The following ATP5F1C variants were observed in gnomAD, a reference collection of about 807,000 sequenced individuals.
The protein encoded by ATP5F1C is ATP synthase F(1) complex subunit gamma, mitochondrial.
In ATP5F1C, 22 loss-of-function variants were observed where a neutral mutation model predicts 37.4. The observed-to-expected ratio is 0.59, with a 90% CI of 0.42 to 0.84. The LOEUF is 0.84. ATP5F1C is among the 40% of genes least tolerant of loss of function. The probability of loss-of-function intolerance (pLI) is 0.00; values close to 1 mark genes in which losing one functional copy is unlikely to be tolerated. For missense variants in ATP5F1C, 286 were observed against 362.4 expected, an observed-to-expected ratio of 0.79 and a Z score of 1.71; for synonymous variants, 121 against 128.0, an observed-to-expected ratio of 0.95 and a Z score of 0.37.
intron 1 of ATP5F1C, among the ~76,000 whole-genome samples, chr10:7,791,117 T>C (rs1050365962): frequency 6.6e-6 from 1 of 152,058 alleles, no homozygotes; most frequent in Non-Finnish European, 1.5e-5. Context: ...CTGGCCAACA[T>C]GGTGAAACCC....
intron 2 of ATP5F1C, chr10:7,796,823 A>C (rs1248116769): frequency 8.7e-6 from 3 of 345,452 alleles, no homozygotes; most frequent in Non-Finnish European, 1.6e-5. Flanking sequence ...TGACCTCGTG[A>C]TCCGCCCACC....
At chr10:7,789,787 C>T (rs533905252) in intron 1 of ATP5F1C, among the ~76,000 whole-genome samples, 3 of 152,246 alleles carry the variant, frequency 2.0e-5, no homozygotes, top group East Asian at 1.9e-4. Context: ...GTTTCTGAAA[C>T]AAAGACAATA....
At chr10:7,802,683 G>A in intron 7 of ATP5F1C, 75 bp from the exon 8 acceptor site, 1 of 1,457,106 alleles carries the variant, frequency 6.9e-7, no homozygotes, top group Non-Finnish European at 9.3e-7. Flanking sequence ...TTTAAATTAA[G>A]CAACAGAAGT....
At chr10:7,807,427 G>A (rs534438623) in intron 9 of ATP5F1C, among the ~76,000 whole-genome samples, 11 of 152,090 alleles carry the variant, frequency 7.2e-5, no homozygotes, top group Non-Finnish European at 1.6e-4. Flanking sequence ...CTGTATACTC[G>A]AGAATGAGAA....
At chr10:7,807,065 TAA>T in intron 9 of ATP5F1C, 55 bp downstream of exon 9, 1 of 1,491,942 alleles carries the variant, frequency 6.7e-7, no homozygotes, top group Non-Finnish European at 9.2e-7. Context: ...TATTCAGATA[TAA>T]GTTAAGCTAA....
intron 1 of ATP5F1C, among the ~76,000 whole-genome samples, chr10:7,789,318 A>G (rs1369334832): frequency 1.3e-5 from 2 of 152,230 alleles, no homozygotes; most frequent in African/African-American, 4.8e-5. Context: ...ACCATAAAGC[A>G]TTAGTTGAAA....
At chr10:7,798,719 C>T (rs941871596) in intron 3 of ATP5F1C, among the ~76,000 whole-genome samples, 10 of 151,850 alleles carry the variant, frequency 6.6e-5, no homozygotes, top group Admixed American at 2.6e-4. Flanking sequence ...TTAATAGAGA[C>T]GGGATTTCAC....
At chr10:7,799,374 A>G (rs1185965718) in intron 4 of ATP5F1C, 180 bp downstream of exon 4, 2 of 609,330 alleles carry the variant, frequency 3.3e-6, no homozygotes, top group Non-Finnish European at 5.6e-6. Flanking sequence ...GATATATTGG[A>G]ACATTTCTGT....
chr10:7,791,570 C>T (rs1362694544), intron 1 of ATP5F1C, among the ~76,000 whole-genome samples: 2 of 152,210 alleles, frequency 1.3e-5, no homozygotes, highest in African/African-American at 2.4e-5. Context: ...GCTGTTATAA[C>T]AGCGCTGTGG....
chr10:7,807,062 A>G, intron 9 of ATP5F1C, 52 bp downstream of exon 9: 1 of 1,514,828 alleles, frequency 6.6e-7, no homozygotes, highest in Admixed American at 1.8e-5. Context: ...ACCTATTCAG[A>G]TATAAGTTAA....
intron 1 of ATP5F1C, among the ~76,000 whole-genome samples, chr10:7,793,158 G>A (rs1269991637): frequency 6.6e-6 from 1 of 152,140 alleles, no homozygotes; most frequent in Non-Finnish European, 1.5e-5. Context: ...TGTCATCCAG[G>A]TGGAATGCAA....
Position 7,797,173 on chromosome 10 carries a change from C to G in ATP5F1C, c.218C>G (p.Ser73Cys). ...CCAGCTCGAATATATGGATTGGGAT[C>G]TTTAGGTAAGGGAAGAGTGTAATTC... is the stretch of plus-strand genomic sequence containing the variant. Reference protein sequence around the residue: ...LKPARIYGLGSLALYEKADIK... With the variant: ...LKPARIYGLGCLALYEKADIK... The change falls in exon 3 of 10, where the codon TCT becomes TGT. Residue 73 changes from serine (S) to cysteine (C), a missense_variant. Coordinates refer to ENST00000356708, the MANE Select transcript of ATP5F1C (RefSeq NM_001001973.3). 6.2e-7 allele frequency: 1 copy of G among 1,613,612 alleles called. No individual in the cohort carries two copies.
intron 4 of ATP5F1C, chr10:7,799,564 A>G (rs963269848): frequency 3.3e-6 from 2 of 604,210 alleles, no homozygotes; most frequent in Admixed American, 3.1e-5. Context: ...AAAAGAATAT[A>G]AAACAGACCT....
rs1836235789 is a variant in ATP5F1C, at chr10:7,796,319, C to G, written c.91+164C>G. The G allele has an allele frequency of 7.2e-6, 4 of 555,944 alleles. No individual in the cohort carries two copies. In the East Asian group the frequency reaches 1.4e-4, roughly 19 times the overall value. The allele number at this position is 555,944 out of a possible 1,614,324, so 34.4% of individuals were successfully genotyped here. ...GGACATTGGACTTGTTCTGAAAAGA[C>G]CAGTAAGAAAGGACACCTGAGACAG... On this transcript the variant is annotated intron_variant, in intron 2 of 9. Transcript: ENST00000356708.
intron 8 of ATP5F1C, among the ~76,000 whole-genome samples, chr10:7,805,543 T>C (rs780796452): frequency 1.7e-4 from 26 of 151,888 alleles, no homozygotes; most frequent in Non-Finnish European, 3.2e-4. Flanking sequence ...GTCAGGAGAT[T>C]GAGACCATCC....
chr10:7,790,169 G>A (rs915082891), intron 1 of ATP5F1C, among the ~76,000 whole-genome samples: 1 of 152,170 alleles, frequency 6.6e-6, no homozygotes, highest in Non-Finnish European at 1.5e-5. Flanking sequence ...ATTTGGAAGG[G>A]GAAGAAAAGA....
chr10:7,800,147 A>G (rs1836327749), intron 6 of ATP5F1C, 56 bp downstream of exon 6: 6 of 1,501,856 alleles, frequency 4.0e-6, no homozygotes, highest in Non-Finnish European at 5.5e-6. Context: ...AGAGATTTGT[A>G]CACTAAGGCA....
chr10:7,793,609 C>T (rs554527414), intron 1 of ATP5F1C, among the ~76,000 whole-genome samples: 2 of 152,280 alleles, frequency 1.3e-5, no homozygotes, highest in South Asian at 4.1e-4. Flanking sequence ...TTTCACAGGA[C>T]AGAAGTTCTA....
chr10:7,788,182 C>G lies in ATP5F1C; in HGVS notation c.-26C>G. 6.2e-7 allele frequency: 1 copy of G among 1,612,320 alleles called. No individual in the cohort carries two copies. Among genetic ancestry groups the G allele is most frequent in the Non-Finnish European group, 8.5e-7 (1 of 1,179,806 alleles). ...GCATGCGCGCTGAGGCCTGCCTGAC[C>G]GACCTTCAGCAGGGCTGTGGCTACC... On this transcript the variant is annotated 5_prime_UTR_variant, in exon 1 of 10. Transcript: ENST00000356708.
Sources: allele counts gnomAD v4.1 joint callset (sites outside exome capture counted in the v4.1 genomes callset), GRCh38; gene constraint gnomAD v4.1.1; transcripts MANE v1.5; gene names NCBI Gene and HGNC (gene_info 2026-07-23, HGNC 2026-07-21).